The following LRSAM1 variants were observed in gnomAD, a reference collection of about 807,000 sequenced individuals.
The protein encoded by LRSAM1 is leucine rich repeat and sterile alpha motif containing 1.
Under a neutral mutation model 118.1 loss-of-function variants are expected in LRSAM1, and 96 were observed. The ratio of observed to expected loss-of-function variants is 0.81; its 90% CI spans 0.69 to 0.96. The LOEUF is 0.96. Ranked by LOEUF, LRSAM1 falls within the 40% of genes least tolerant of loss-of-function variation. The pLI, the probability that LRSAM1 is intolerant of heterozygous loss-of-function variation, is 0.00. For missense variants in LRSAM1, 804 were observed against 915.5 expected, an observed-to-expected ratio of 0.88 and a Z score of 1.57; for synonymous variants, 322 against 364.2, an observed-to-expected ratio of 0.88 and a Z score of 1.32.
chr9:127,482,223 A>T (rs1043395152), intron 15 of LRSAM1, among the ~76,000 whole-genome samples: 9 of 149,792 alleles, frequency 6.0e-5, no homozygotes, highest in African/African-American at 2.0e-4. Flanking sequence ...GCTCACTGCA[A>T]CCTCCACCTC....
intron 18 of LRSAM1, among the ~76,000 whole-genome samples, chr9:127,488,696 C>T (rs189498179): frequency 1.3e-5 from 2 of 151,534 alleles, no homozygotes; most frequent in Non-Finnish European, 2.9e-5. Context: ...TGGGCTCAAA[C>T]GATCCTCCCA....
intron 19 of LRSAM1, 113 bp downstream of exon 19, chr9:127,489,631 T>G: frequency 8.3e-7 from 1 of 1,201,030 alleles, no homozygotes; most frequent in Non-Finnish European, 1.2e-6. Flanking sequence ...CTTGGCTTGC[T>G]AGCCCAACAA....
At chr9:127,471,786 CAA>C (rs962910881) in intron 10 of LRSAM1, among the ~76,000 whole-genome samples, 4 of 148,256 alleles carry the variant, frequency 2.7e-5, no homozygotes, top group African/African-American at 9.9e-5. Flanking sequence ...GACTCCATCT[CAA>C]AAAAAAAGAA....
Position 127,479,429 on chromosome 9 carries a change from TG to T in LRSAM1, c.831del (p.Gln278SerfsTer33), listed in dbSNP as rs1211403432. The T allele has an allele frequency of 2.5e-6, 4 of 1,614,150 alleles. No homozygotes were observed. The highest frequency in any genetic ancestry group is 3.4e-6 in the Non-Finnish European group (4 of 1,180,024). ...CTCGAGTTTGAACGGCGCCTGGAAC[TG>T]GGGCAGCGGGAGCACACCCAGCTCC... ...EKLEFERRLE[L>X]GQREHTQLLQ... On this transcript the variant is annotated frameshift_variant, in exon 13 of 26. Transcript: ENST00000300417. LOFTEE classifies it high-confidence loss of function.
At chr9:127,487,299 C>T (rs947148881) in intron 17 of LRSAM1, among the ~76,000 whole-genome samples, 2 of 152,028 alleles carry the variant, frequency 1.3e-5, no homozygotes, top group African/African-American at 2.4e-5. Context: ...GTGAGAGTGC[C>T]GGGAAGGACA....
rs2132110219 is a variant in LRSAM1 at position 127,495,316 on chromosome 9, G to T, written c.1600-4G>T. 6.2e-7 allele frequency: 1 copy of T among 1,613,580 alleles called. No homozygotes were observed. Among genetic ancestry groups the T allele is most frequent in the Admixed American group, 1.7e-5 (1 of 60,024 alleles). On this transcript the variant is annotated splice_region_variant and splice_polypyrimidine_tract_variant and intron_variant, in intron 21 of 25. Transcript: ENST00000300417. ...ACTAACATTGCCTGCTTCATTCCTG[G>T]CAGACGGAGTTAGAAGCCAAAAGTG... is the stretch of plus-strand genomic sequence containing the variant.
intron 21 of LRSAM1, among the ~76,000 whole-genome samples, chr9:127,494,366 C>G (rs1836043862): frequency 6.6e-6 from 1 of 152,254 alleles, no homozygotes; most frequent in Non-Finnish European, 1.5e-5. Flanking sequence ...AGCACGGGCT[C>G]TGGAGCAAGA....
At chr9:127,468,170 T>C (rs1835030727) in intron 10 of LRSAM1, among the ~76,000 whole-genome samples, 1 of 151,794 alleles carries the variant, frequency 6.6e-6, no homozygotes, top group African/African-American at 2.4e-5. Context: ...AGGGCCTTGA[T>C]GGGAAGTTTG....
Position 127,465,005 on chromosome 9 carries a change from G to A in LRSAM1, c.528+2632G>A, listed in dbSNP as rs1267267832. On this transcript the variant is annotated intron_variant, in intron 9 of 25. Coordinates refer to ENST00000300417, the MANE Select transcript of LRSAM1 (RefSeq NM_001005373.4). This position sits in a 1 kb window ranked among gnomAD's most constrained non-coding sequence, Gnocchi z 4.1. ...CTTTTGGGTTTCTTGGTGGCACCTC[G>A]GACAAACCTTCTTTTAGGATGAGAT... Among the ~76,000 whole-genome samples the A allele has an allele frequency of 6.6e-6, 1 of 151,778 alleles. No individual in the cohort carries two copies. Among genetic ancestry groups the A allele is most frequent in the Non-Finnish European group, 1.5e-5 (1 of 67,974 alleles).
At chr9:127,495,484 G>T in intron 22 of LRSAM1, 66 bp downstream of exon 22, 1 of 1,340,062 alleles carries the variant, frequency 7.5e-7, no homozygotes, top group Non-Finnish European at 1.1e-6. Context: ...GGCGCCTGTG[G>T]TGCCTCCACC....
chr9:127,502,650 GCA>G (rs1836435351), intron 25 of LRSAM1, 122 bp from the exon 26 acceptor site: 7 of 1,210,326 alleles, frequency 5.8e-6, no homozygotes, highest in Non-Finnish European at 7.9e-6. Flanking sequence ...TCCCACCACT[GCA>G]CTCCAGCCTG....
chr9:127,492,934 C>T (rs752464988), intron 21 of LRSAM1, 37 bp downstream of exon 21: 2 of 1,571,692 alleles, frequency 1.3e-6, no homozygotes, highest in South Asian at 1.1e-5. Flanking sequence ...ATCACACAGG[C>T]ATTTGCTTTT....
At chr9:127,497,417 T>G in intron 24 of LRSAM1, 83 bp downstream of exon 24, 1 of 1,376,912 alleles carries the variant, frequency 7.3e-7, no homozygotes, top group South Asian at 1.2e-5. Context: ...TTGCTTACAT[T>G]TCAGGATGAC....
intron 6 of LRSAM1, 26 bp from the exon 7 acceptor site, chr9:127,458,977 G>C: frequency 6.2e-7 from 1 of 1,612,772 alleles, no homozygotes; most frequent in Non-Finnish European, 8.5e-7. Flanking sequence ...CTCACTTGGA[G>C]ACTCACAGGG....
At chr9:127,478,336 G>C (rs1024225935) in intron 11 of LRSAM1, among the ~76,000 whole-genome samples, 1 of 152,170 alleles carries the variant, frequency 6.6e-6, no homozygotes, top group Non-Finnish European at 1.5e-5. Context: ...TATGCTCAGA[G>C]TTGAGTTTTC....
chr9:127,454,818 C>G (rs1834456535), intron 3 of LRSAM1, among the ~76,000 whole-genome samples, 180 bp from the exon 4 acceptor site: 1 of 152,154 alleles, frequency 6.6e-6, no homozygotes, highest in Non-Finnish European at 1.5e-5. Context: ...GTTCCTCATC[C>G]CTCTGGGCCT....
chr9:127,498,883 A>C (rs1291423105), intron 24 of LRSAM1, among the ~76,000 whole-genome samples: 1 of 151,820 alleles, frequency 6.6e-6, no homozygotes, highest in East Asian at 1.9e-4. Context: ...ACATGGTGAA[A>C]CCCTGTCTCT....
At position 127,455,013 on chromosome 9, in the gene LRSAM1, G is replaced by A; in HGVS notation, c.88G>A (p.Ala30Thr). Residue 30 changes from alanine (A) to threonine (T), a missense_variant, in exon 4 of 26, where the codon GCA becomes ACA. Ala to Thr is a moderately conservative substitution (Grantham distance 58). Transcript: ENST00000300417. ...YQMCLAKEAGADDILDISKCE... is the reference protein window; with the variant it reads ...YQMCLAKEAGTDDILDISKCE... ...TTATCCTTAGGCAAAAGAAGCTGGG[G>A]CAGATGACATTCTCGACATCTCTAA... The A allele has an allele frequency of 6.2e-7, 1 of 1,614,122 alleles. No individual in the cohort carries two copies. The highest frequency in any genetic ancestry group is 1.3e-5 in the African/African-American group (1 of 75,048).
At chr9:127,461,661 G>A (rs1834752028) in intron 8 of LRSAM1, among the ~76,000 whole-genome samples, 1 of 152,226 alleles carries the variant, frequency 6.6e-6, no homozygotes, top group South Asian at 2.1e-4. Context: ...TGAGGGCAGT[G>A]GTGCCATCCC....
Sources: allele counts gnomAD v4.1 joint callset (sites outside exome capture counted in the v4.1 genomes callset), GRCh38; gene constraint gnomAD v4.1.1; non-coding constraint Gnocchi (gnomAD v3.1); transcripts MANE v1.5; gene names NCBI Gene and HGNC (gene_info 2026-07-23, HGNC 2026-07-21).